The following BCAS3 variants were observed in gnomAD, a reference collection of about 807,000 sequenced individuals.
The protein encoded by BCAS3 is BCAS4/BCAS3 fusion.
Under a neutral mutation model 116.1 loss-of-function variants are expected in BCAS3, and 53 were observed. The ratio of observed to expected loss-of-function variants is 0.46; its 90% CI spans 0.37 to 0.57. BCAS3 has a LOEUF of 0.57. Among genes scored for constraint, BCAS3 ranks in the 20% least tolerant of loss-of-function variants. The pLI, the probability that BCAS3 is intolerant of heterozygous loss-of-function variation, is 0.00. For missense variants in BCAS3, 917 were observed against 1,165.4 expected (o/e 0.79, Z 3.10); for synonymous variants, 391 against 408.2 (o/e 0.96, Z 0.51).
At chr17:61,283,469 T>C (rs974905100) in intron 22 of BCAS3, among the ~76,000 whole-genome samples, 13 of 151,974 alleles carry the variant, frequency 8.6e-5, no homozygotes, top group African/African-American at 3.1e-4. Flanking sequence ...TTTTTTTTTT[T>C]TTTGAGACGA....
rs1261173409 is a variant in BCAS3, at chr17:61,128,626, G to A, written c.2425+44062G>A. The A allele has an allele frequency of 2.0e-6, 2 of 977,256 alleles. No individual in the cohort carries two copies. Among genetic ancestry groups the A allele is most frequent in the African/African-American group, 1.8e-5 (1 of 57,046 alleles). 60.5% of individuals were successfully genotyped at this position (977,256 alleles called of 1,614,324 possible). ...GAGAGAAAGCAAGTAACCCAGCAGA[G>A]TTTGTGACAGAAACTGTTAGCCCTC... On this transcript the variant is annotated intron_variant, in intron 22 of 23. Coordinates refer to ENST00000407086, the MANE Select transcript of BCAS3 (RefSeq NM_017679.5). The surrounding 1 kb of genome is among the most constrained non-coding windows in gnomAD (Gnocchi z 4.1).
chr17:61,038,736 T>A (rs1413210204), intron 18 of BCAS3, among the ~76,000 whole-genome samples: 1 of 145,598 alleles, frequency 6.9e-6, no homozygotes, highest in Non-Finnish European at 1.5e-5. Flanking sequence ...TGGCACGATC[T>A]CAGCTCACTG....
chr17:61,042,296 G>A (rs1161917102), intron 19 of BCAS3, among the ~76,000 whole-genome samples: 2 of 151,976 alleles, frequency 1.3e-5, no homozygotes, highest in Non-Finnish European at 2.9e-5. Context: ...GTTTTGTGTT[G>A]TTATTTTGAT....
intron 7 of BCAS3, among the ~76,000 whole-genome samples, chr17:60,845,922 G>T (rs2052485619): frequency 6.7e-6 from 1 of 148,184 alleles, no homozygotes; most frequent in South Asian, 2.1e-4. Flanking sequence ...ATGTACCACT[G>T]TACCTGGCTA....
Position 60,738,064 on chromosome 17 carries a change from C to T in BCAS3, c.322-9134C>T, listed in dbSNP as rs543873372. Among the ~76,000 whole-genome samples the T allele has an allele frequency of 3.9e-5, 6 of 152,272 alleles. No homozygotes were observed. In the South Asian group the frequency reaches 6.2e-4, roughly 16 times the overall value. Reference sequence around the variant, plus strand: ...CCTCCCAAAGTGCTGGGATTACAGGCGTGAGCCACTGTGCCCAGCCTGTTC... The same window carrying T: ...CCTCCCAAAGTGCTGGGATTACAGGTGTGAGCCACTGTGCCCAGCCTGTTC... On this transcript the variant is annotated intron_variant, in intron 5 of 23. Coordinates refer to ENST00000407086, the MANE Select transcript of BCAS3 (RefSeq NM_017679.5).
intron 22 of BCAS3, among the ~76,000 whole-genome samples, chr17:61,318,717 T>C (rs1264521004): frequency 1.3e-5 from 2 of 152,358 alleles, no homozygotes; most frequent in East Asian, 3.9e-4. Context: ...TGCAACTTTC[T>C]GCTAGGGTTA....
At chr17:61,308,774 T>C (rs1386793368) in intron 22 of BCAS3, among the ~76,000 whole-genome samples, 4 of 152,184 alleles carry the variant, frequency 2.6e-5, no homozygotes, top group Non-Finnish European at 5.9e-5. Flanking sequence ...AAGTCTGTTT[T>C]CTATCAGTGA....
intron 6 of BCAS3, among the ~76,000 whole-genome samples, chr17:60,752,184 G>A (rs934659202): frequency 6.6e-6 from 1 of 151,450 alleles, no homozygotes; most frequent in African/African-American, 2.4e-5. Context: ...GTGTGTGTGT[G>A]TGTAAGTGTA....
intron 5 of BCAS3, among the ~76,000 whole-genome samples, chr17:60,721,699 A>C (rs2039254192): frequency 6.6e-6 from 1 of 152,162 alleles, no homozygotes. Context: ...TTTTCTGATA[A>C]ATGTTATTGA....
At position 61,346,964 on chromosome 17, in the gene BCAS3, T is replaced by C. The variant is rs8074304; in HGVS notation, c.2426-21363T>C. ...CTTGGCACCTCTTCTCATGTTGGTC[T>C]GAAATATGCCAGATCACTGACCTCT... On this transcript the variant is annotated intron_variant, in intron 22 of 23. Coordinates refer to ENST00000407086, the MANE Select transcript of BCAS3 (RefSeq NM_017679.5). This position sits in a 1 kb window ranked among gnomAD's most constrained non-coding sequence, Gnocchi z 5.4. Among the ~76,000 whole-genome samples, 119,107 of 152,082 alleles carry C rather than the reference T, an allele frequency of 0.78. 47,893 individuals carry two copies. The highest frequency in any genetic ancestry group is 0.92 in the South Asian group (4,422 of 4,816).
chr17:60,693,558 G>T (rs2035163611), intron 4 of BCAS3, among the ~76,000 whole-genome samples: 1 of 151,474 alleles, frequency 6.6e-6, no homozygotes, highest in Non-Finnish European at 1.5e-5. Flanking sequence ...TGGACCACAG[G>T]CATGTACCAC....
chr17:60,734,950 C>T (rs1353144720), intron 5 of BCAS3, among the ~76,000 whole-genome samples: 1 of 152,172 alleles, frequency 6.6e-6, no homozygotes, highest in Non-Finnish European at 1.5e-5. Flanking sequence ...GTCTTCCTAT[C>T]CATGAATATG....
intron 22 of BCAS3, among the ~76,000 whole-genome samples, chr17:61,290,048 G>T (rs1469205615): frequency 6.6e-6 from 1 of 152,184 alleles, no homozygotes; most frequent in Admixed American, 6.5e-5. Context: ...GTTTACTTGG[G>T]TTCGTGTGTG....
At chr17:60,917,659 T>C (rs1359449047) in intron 12 of BCAS3, among the ~76,000 whole-genome samples, 1 of 152,054 alleles carries the variant, frequency 6.6e-6, no homozygotes, top group Non-Finnish European at 1.5e-5. Context: ...AGTGGCACAA[T>C]GTTGGCCCAC....
intron 22 of BCAS3, among the ~76,000 whole-genome samples, chr17:61,304,076 A>G (rs923523776): frequency 6.6e-6 from 1 of 152,202 alleles, no homozygotes; most frequent in African/African-American, 2.4e-5. Context: ...TCCTCACTTC[A>G]CACACACCAG....
At position 61,189,254 on chromosome 17, in the gene BCAS3, G is replaced by A. The variant is rs899586529; in HGVS notation, c.2425+104690G>A. 1.3e-5 allele frequency among the ~76,000 whole-genome samples: 2 copies of A among 152,206 alleles called. No individual in the cohort carries two copies. The highest frequency in any genetic ancestry group is 2.9e-5 in the Non-Finnish European group (2 of 68,034). On this transcript the variant is annotated intron_variant, in intron 22 of 23. Coordinates refer to ENST00000407086, the MANE Select transcript of BCAS3 (RefSeq NM_017679.5). This position sits in a 1 kb window ranked among gnomAD's most constrained non-coding sequence, Gnocchi z 4.5. ...TTCTGTAGAAGTACACCTGGGAGAA[G>A]TGTAATAGCAATCTAGGTAGAGAAG...
intron 22 of BCAS3, among the ~76,000 whole-genome samples, chr17:61,129,315 G>A (rs957989191): frequency 1.3e-5 from 2 of 152,288 alleles, no homozygotes; most frequent in East Asian, 1.9e-4. Flanking sequence ...AAAACATTCT[G>A]CCATCATTAT....
intron 15 of BCAS3, among the ~76,000 whole-genome samples, chr17:61,009,223 C>T (rs1384232785): frequency 2.6e-5 from 4 of 151,978 alleles, no homozygotes; most frequent in African/African-American, 9.7e-5. Context: ...TGCTTAGTGT[C>T]CTTTAGCTCT....
At chr17:61,284,303 A>G (rs1032487784) in intron 22 of BCAS3, among the ~76,000 whole-genome samples, 4 of 152,118 alleles carry the variant, frequency 2.6e-5, no homozygotes, top group African/African-American at 7.2e-5. Context: ...ACTCTTCACA[A>G]TAAATCTTGC....
Sources: gnomAD v4.1 joint callset for allele counts (sites outside exome capture counted in the v4.1 genomes callset) on GRCh38, gnomAD v4.1.1 for gene constraint, Gnocchi (gnomAD v3.1) non-coding constraint, MANE v1.5 for transcripts, NCBI Gene and HGNC (gene_info 2026-07-23, HGNC 2026-07-21) for gene names.